CCSER1: variants seen among roughly 807,000 people sequenced by gnomAD.
The protein encoded by CCSER1 is coiled-coil serine rich protein 1.
Under a neutral mutation model 82.0 loss-of-function variants are expected in CCSER1, and 41 were observed. That is an observed-to-expected ratio of 0.50 (90% CI 0.39 to 0.65). The LOEUF (loss-of-function observed/expected upper bound fraction) is 0.65, where lower values mean the gene tolerates loss of function less well. Ranked by LOEUF, CCSER1 falls within the 30% of genes least tolerant of loss-of-function variation. CCSER1 has a pLI of 0.00. For missense variants in CCSER1, 1,119 were observed against 1,064.2 expected (o/e 1.05, Z -0.72); for synonymous variants, 414 against 383.9 (o/e 1.08, Z -0.92).
chr4:90,801,550 G>A (rs1355390860), intron 7 of CCSER1, among the ~76,000 whole-genome samples: 2 of 152,056 alleles, frequency 1.3e-5, no homozygotes, highest in Non-Finnish European at 2.9e-5. Context: ...GAAAATCTTA[G>A]GAGATATGCC....
At chr4:90,153,956 C>G (rs1265877793) in intron 1 of CCSER1, among the ~76,000 whole-genome samples, 2 of 152,180 alleles carry the variant, frequency 1.3e-5, no homozygotes, top group Non-Finnish European at 2.9e-5. Flanking sequence ...CTTGCCCATG[C>G]CTCTGTCCTG....
chr4:91,105,095 C>G (rs533497010), intron 10 of CCSER1, among the ~76,000 whole-genome samples: 3 of 151,784 alleles, frequency 2.0e-5, no homozygotes, highest in African/African-American at 7.3e-5. Flanking sequence ...TCATTTCACT[C>G]TTTACCTTCA....
At chr4:90,246,282 G>A (rs376364228) in intron 1 of CCSER1, among the ~76,000 whole-genome samples, 4 of 151,962 alleles carry the variant, frequency 2.6e-5, no homozygotes, top group East Asian at 1.9e-4. Context: ...TTTCAAGGTC[G>A]TACAGTTAAA....
chr4:90,520,730 G>A (rs77139032), intron 5 of CCSER1, among the ~76,000 whole-genome samples: 10 of 152,056 alleles, frequency 6.6e-5, no homozygotes, highest in African/African-American at 1.9e-4. Flanking sequence ...ACAATTGTGC[G>A]CAAAGGAAGG....
chr4:90,589,283 AT>A (rs1217218103), intron 5 of CCSER1, among the ~76,000 whole-genome samples: 1 of 152,114 alleles, frequency 6.6e-6, no homozygotes, highest in African/African-American at 2.4e-5. Context: ...CATGTTGAAA[AT>A]TTTAACACAT....
chr4:90,441,236 T>C (rs1346302673), intron 4 of CCSER1, among the ~76,000 whole-genome samples: 2 of 152,146 alleles, frequency 1.3e-5, no homozygotes, highest in Non-Finnish European at 2.9e-5. Flanking sequence ...TGTGTTAAAC[T>C]TCCCCAAAGT....
At chr4:91,121,963 A>G (rs1008315691) in intron 10 of CCSER1, among the ~76,000 whole-genome samples, 1 of 151,720 alleles carries the variant, frequency 6.6e-6, no homozygotes, top group African/African-American at 2.4e-5. Flanking sequence ...TAACATATAA[A>G]AAGTCATTTT....
chr4:90,190,773 C>A (rs1053504727), intron 1 of CCSER1, among the ~76,000 whole-genome samples: 1 of 152,038 alleles, frequency 6.6e-6, no homozygotes, highest in East Asian at 1.9e-4. Flanking sequence ...GGAAGGAACA[C>A]TTCTTTGGGC....
At chr4:90,803,223 T>A (rs1045001858) in intron 7 of CCSER1, among the ~76,000 whole-genome samples, 3 of 152,140 alleles carry the variant, frequency 2.0e-5, no homozygotes, top group African/African-American at 4.8e-5. Flanking sequence ...TGTCTTTTTT[T>A]AAATTATACT....
At chr4:90,573,242 A>C (rs960934203) in intron 5 of CCSER1, among the ~76,000 whole-genome samples, 2 of 152,252 alleles carry the variant, frequency 1.3e-5, no homozygotes, top group East Asian at 3.9e-4. Context: ...CATCCAGTGC[A>C]ATGCTGCCAG....
At chr4:91,252,777 T>C (rs888335356) in intron 10 of CCSER1, among the ~76,000 whole-genome samples, 2 of 152,062 alleles carry the variant, frequency 1.3e-5, no homozygotes, top group African/African-American at 4.8e-5. Context: ...GGACATTAAA[T>C]GTATACAAAA....
chr4:90,302,724 G>T (rs1259311276), intron 1 of CCSER1, among the ~76,000 whole-genome samples: 1 of 152,104 alleles, frequency 6.6e-6, no homozygotes. Context: ...GATGGCTTGA[G>T]CCCAGGAATT....
intron 10 of CCSER1, among the ~76,000 whole-genome samples, chr4:91,555,391 A>G (rs1379905582): frequency 6.6e-6 from 1 of 151,146 alleles, no homozygotes; most frequent in East Asian, 1.9e-4. Flanking sequence ...CTTGAACTAA[A>G]TATACTGTGA....
chr4:91,188,012 T>C (rs1199266228), intron 10 of CCSER1, among the ~76,000 whole-genome samples: 1 of 152,098 alleles, frequency 6.6e-6, no homozygotes, highest in East Asian at 1.9e-4. Context: ...ATTATCTTAG[T>C]ATATTTACAG....
chr4:90,154,386 T>C (rs1452470714), intron 1 of CCSER1, among the ~76,000 whole-genome samples: 1 of 152,230 alleles, frequency 6.6e-6, no homozygotes, highest in East Asian at 1.9e-4. Context: ...CCATATGAAC[T>C]TTTAAGTAGT....
intron 10 of CCSER1, among the ~76,000 whole-genome samples, chr4:91,367,188 G>A (rs1749678733): frequency 6.8e-6 from 1 of 147,308 alleles, no homozygotes; most frequent in Non-Finnish European, 1.5e-5. Flanking sequence ...ATGGTGGATT[G>A]AACCTGTAGT....
At chr4:91,223,822 T>G (rs1250147455) in intron 10 of CCSER1, among the ~76,000 whole-genome samples, 2 of 152,104 alleles carry the variant, frequency 1.3e-5, no homozygotes, top group Non-Finnish European at 2.9e-5. Context: ...TAGACACCAA[T>G]CACGTCTGCA....
Position 91,113,686 on chromosome 4 carries a change from A to G in CCSER1, c.2217+27692A>G, listed in dbSNP as rs527842908. On this transcript the variant is annotated intron_variant, in intron 10 of 10. Transcript: ENST00000509176. ...TCTAGGCACTCACACATACCCTTTG[A>G]GTTAAGAGTCAGTGACTTTGTTTCT... Among the ~76,000 whole-genome samples, 33 of 151,014 alleles carry G rather than the reference A, an allele frequency of 2.2e-4. No homozygotes were observed. The East Asian group carries it at 2.3e-3, about 11-fold the overall frequency.
At chr4:90,157,612 AT>A (rs1162406856) in intron 1 of CCSER1, among the ~76,000 whole-genome samples, 1 of 151,794 alleles carries the variant, frequency 6.6e-6, no homozygotes, top group African/African-American at 2.4e-5. Context: ...TTCTCGCTTC[AT>A]TTCATTCATT....
Sources: allele counts gnomAD v4.1 joint callset (sites outside exome capture counted in the v4.1 genomes callset), GRCh38; gene constraint gnomAD v4.1.1; transcripts MANE v1.5; gene names NCBI Gene and HGNC (gene_info 2026-07-23, HGNC 2026-07-21).